ELOVL6: variants seen among roughly 807,000 people sequenced by gnomAD.
The protein encoded by ELOVL6 is very long chain fatty acid elongase 6.
Under a neutral mutation model 31.7 loss-of-function variants are expected in ELOVL6, and 8 were observed. The ratio of observed to expected loss-of-function variants is 0.25; its 90% CI spans 0.15 to 0.45. The LOEUF is 0.45. Ranked by LOEUF, ELOVL6 falls within the 20% of genes least tolerant of loss-of-function variation. The pLI is 1.00. For missense variants in ELOVL6, 126 were observed against 326.4 expected, an observed-to-expected ratio of 0.39 and a Z score of 4.73; for synonymous variants, 101 against 117.7, an observed-to-expected ratio of 0.86 and a Z score of 0.92.
chr4:110,163,416 G>A (rs1359970481), intron 1 of ELOVL6, among the ~76,000 whole-genome samples: 5 of 152,204 alleles, frequency 3.3e-5, no homozygotes, highest in Non-Finnish European at 5.9e-5. Flanking sequence ...TACATGTTTA[G>A]TGTTTGTGTC....
In ELOVL6 at chr4:110,109,662, T is replaced by C. The variant is rs927236720; in HGVS notation, c.90-4034A>G. On this transcript the variant is annotated intron_variant, in intron 1 of 3. Coordinates refer to ENST00000302274, the MANE Select transcript of ELOVL6 (RefSeq NM_024090.3). Reference sequence around the variant, plus strand: ...ATTAACATTTCTGAAAAAGTATGCATAAATTGAAATACATGTTTTTTTAAA... The same window carrying C: ...ATTAACATTTCTGAAAAAGTATGCACAAATTGAAATACATGTTTTTTTAAA... Among the ~76,000 whole-genome samples the C allele has an allele frequency of 3.3e-5, 5 of 152,244 alleles. No individual in the cohort carries two copies. The East Asian group carries it at 9.6e-4, about 29-fold the overall frequency.
intron 2 of ELOVL6, among the ~76,000 whole-genome samples, chr4:110,103,339 A>G (rs918318952): frequency 7.9e-5 from 12 of 152,172 alleles, no homozygotes; most frequent in African/African-American, 2.9e-4. Context: ...AAGGAATAGC[A>G]ATGGACTTAA....
Position 110,046,971 on chromosome 4 carries a change from T to C in ELOVL6, c.*4367A>G, listed in dbSNP as rs1754710795. ...GAGGCACAAAGAATCAGGTGTTGTA[T>C]AGAAAAGACAAAGAACGATGTTTCA... On this transcript the variant is annotated 3_prime_UTR_variant, in exon 4 of 4. Coordinates refer to ENST00000302274, the MANE Select transcript of ELOVL6 (RefSeq NM_024090.3). 2 of 152,172 alleles carry C rather than the reference T, an allele frequency of 1.3e-5. No individual in the cohort carries two copies. Among genetic ancestry groups the C allele is most frequent in the South Asian group, 2.1e-4 (1 of 4,830 alleles). 9.4% of individuals were successfully genotyped at this position (152,172 alleles called of 1,614,324 possible).
chr4:110,083,450 C>T (rs1270998660), intron 2 of ELOVL6, among the ~76,000 whole-genome samples: 1 of 151,556 alleles, frequency 6.6e-6, no homozygotes, highest in African/African-American at 2.4e-5. Flanking sequence ...GGTACGAGCC[C>T]AGAGGCTGGC....
chr4:110,107,292 C>T (rs1756915041), intron 1 of ELOVL6, among the ~76,000 whole-genome samples: 1 of 152,150 alleles, frequency 6.6e-6, no homozygotes, highest in Non-Finnish European at 1.5e-5. Context: ...TTTACAGACT[C>T]TTCTCTTGGG....
At chr4:110,158,483 G>A (rs202085337) in intron 1 of ELOVL6, among the ~76,000 whole-genome samples, 1 of 143,472 alleles carries the variant, frequency 7.0e-6, no homozygotes, top group East Asian at 2.0e-4. Flanking sequence ...TCTGTATCCC[G>A]AGGGCACGAT....
chr4:110,127,370 G>GCAT (rs1757530972), intron 1 of ELOVL6, among the ~76,000 whole-genome samples: 1 of 125,848 alleles, frequency 7.9e-6, no homozygotes, highest in African/African-American at 3.0e-5. Flanking sequence ...TCGTGCCATT[G>GCAT]CATTCCAGCC....
chr4:110,088,776 G>A (rs181077420), intron 2 of ELOVL6, among the ~76,000 whole-genome samples: 118 of 152,298 alleles, frequency 7.7e-4, no homozygotes, highest in Non-Finnish European at 9.7e-4. Context: ...GGGCTACTAA[G>A]TGACTCACAG....
At chr4:110,159,081 G>C (rs1758557775) in intron 1 of ELOVL6, among the ~76,000 whole-genome samples, 1 of 152,094 alleles carries the variant, frequency 6.6e-6, no homozygotes, top group Admixed American at 6.6e-5. Context: ...CTTACATTGT[G>C]ATTTGCATAG....
intron 1 of ELOVL6, among the ~76,000 whole-genome samples, chr4:110,107,360 C>T (rs1054008020): frequency 1.3e-5 from 2 of 152,212 alleles, no homozygotes; most frequent in Admixed American, 6.5e-5. Context: ...TGAACGTGGT[C>T]TTGTCCTATC....
At chr4:110,053,930 C>T (rs1284669458) in intron 3 of ELOVL6, among the ~76,000 whole-genome samples, 1 of 149,900 alleles carries the variant, frequency 6.7e-6, no homozygotes, top group Non-Finnish European at 1.5e-5. Context: ...CAGAGTGAGA[C>T]TCCATCTCAA....
intron 1 of ELOVL6, among the ~76,000 whole-genome samples, chr4:110,129,890 A>ATTTTT (rs1491180709): frequency 9.7e-6 from 1 of 102,686 alleles, no homozygotes; most frequent in African/African-American, 4.2e-5. Context: ...AATCCAATCC[A>ATTTTT]ATTTTTTTTT....
At chr4:110,143,007 C>G (rs1377148943) in intron 1 of ELOVL6, among the ~76,000 whole-genome samples, 1 of 152,172 alleles carries the variant, frequency 6.6e-6, no homozygotes, top group African/African-American at 2.4e-5. Flanking sequence ...ATCCTTAAAT[C>G]TACCAGTTAG....
intron 2 of ELOVL6, among the ~76,000 whole-genome samples, chr4:110,088,280 G>C (rs1756326272): frequency 6.6e-6 from 1 of 152,154 alleles, no homozygotes; most frequent in South Asian, 2.1e-4. Context: ...TTCTATCAAA[G>C]GGCTGGGTGC....
At chr4:110,197,227 C>T (rs77864544) in intron 1 of ELOVL6, among the ~76,000 whole-genome samples, 5,160 of 152,314 alleles carry the variant, frequency 0.034, 312 homozygotes, top group African/African-American at 0.11. Flanking sequence ...TACAGATCGC[C>T]AGACCCGAAG....
intron 1 of ELOVL6, among the ~76,000 whole-genome samples, chr4:110,134,425 G>A (rs1757757584): frequency 6.6e-6 from 1 of 152,090 alleles, no homozygotes; most frequent in African/African-American, 2.4e-5. Context: ...ATGACACATG[G>A]AAGAATGTGA....
intron 1 of ELOVL6, among the ~76,000 whole-genome samples, chr4:110,158,657 A>ATATATATATTTT: frequency 5.4e-5 from 4 of 74,162 alleles, no homozygotes; most frequent in East Asian, 3.1e-4. Context: ...ATATATATAT[A>ATATATATATTTT]TTTTTTTTTT....
intron 1 of ELOVL6, among the ~76,000 whole-genome samples, chr4:110,195,136 G>T (rs544313582): frequency 1.3e-5 from 2 of 152,212 alleles, no homozygotes; most frequent in Admixed American, 1.3e-4. Context: ...AAGAAAATCT[G>T]GTTCAAGACT....
At chr4:110,052,513 A>G (rs543322513) in intron 3 of ELOVL6, among the ~76,000 whole-genome samples, 2 of 152,348 alleles carry the variant, frequency 1.3e-5, no homozygotes, top group South Asian at 4.1e-4. Context: ...ATTTTACAGA[A>G]TTAACTGAAA....
Sources: gnomAD v4.1 joint callset for allele counts (sites outside exome capture counted in the v4.1 genomes callset) on GRCh38, gnomAD v4.1.1 for gene constraint, MANE v1.5 for transcripts, NCBI Gene and HGNC (gene_info 2026-07-23, HGNC 2026-07-21) for gene names.